The following BMP6 variants were observed in gnomAD, a reference collection of about 807,000 sequenced individuals.
BMP6 encodes VG-1-R.
A neutral mutation model predicts 54.1 loss-of-function variants in BMP6; 17 were observed. The ratio of observed to expected loss-of-function variants is 0.31; its 90% CI spans 0.22 to 0.47. The LOEUF (loss-of-function observed/expected upper bound fraction) is 0.47. BMP6 is among the 20% of genes least tolerant of loss of function. The probability of loss-of-function intolerance (pLI) is 1.00; values close to 1 mark genes in which losing one functional copy is unlikely to be tolerated. For synonymous variants in BMP6, 328 were observed against 291.2 expected (o/e 1.13, Z -1.28); for missense variants, 720 against 690.4 (o/e 1.04, Z -0.48).
chr6:7,797,236 G>A (rs1052374011), intron 1 of BMP6, among the ~76,000 whole-genome samples: 1 of 152,158 alleles, frequency 6.6e-6, no homozygotes, highest in African/African-American at 2.4e-5. Flanking sequence ...TTAAATGTAT[G>A]CTCTATTTAA....
intron 1 of BMP6, among the ~76,000 whole-genome samples, chr6:7,794,266 CT>C (rs1758159308): frequency 1.3e-5 from 2 of 152,102 alleles, no homozygotes; most frequent in African/African-American, 4.8e-5. Context: ...TTCTCTTGTT[CT>C]GCTGTAAGGA....
chr6:7,837,813 C>T (rs1758897667), intron 1 of BMP6, among the ~76,000 whole-genome samples: 1 of 152,024 alleles, frequency 6.6e-6, no homozygotes, highest in South Asian at 2.1e-4. Context: ...AAATTTAAAA[C>T]AAATTATGGC....
At chr6:7,864,389 G>A (rs185608288) in intron 4 of BMP6, among the ~76,000 whole-genome samples, 2 of 152,280 alleles carry the variant, frequency 1.3e-5, no homozygotes, top group East Asian at 3.9e-4. Context: ...TAAATGAAAA[G>A]CATCAAAATC....
intron 1 of BMP6, among the ~76,000 whole-genome samples, chr6:7,748,866 T>C (rs1402682512): frequency 6.6e-6 from 1 of 152,248 alleles, no homozygotes; most frequent in Non-Finnish European, 1.5e-5. Context: ...TCTAGGATTG[T>C]GAATTTCCTG....
At chr6:7,873,263 T>G (rs1462486206) in intron 4 of BMP6, among the ~76,000 whole-genome samples, 2 of 152,190 alleles carry the variant, frequency 1.3e-5, no homozygotes, top group Non-Finnish European at 2.9e-5. Context: ...GAGTTCACAT[T>G]ACCGCCCTTC....
chr6:7,727,673 C>G (rs1451069832), intron 1 of BMP6, 54 bp downstream of exon 1: 1 of 1,450,392 alleles, frequency 6.9e-7, no homozygotes, highest in Admixed American at 2.5e-5. Context: ...TTCAGTGTCC[C>G]GGGCCCAGGG....
rs79626185 is a variant in BMP6 at position 7,731,474 on chromosome 6, T to G, written c.664+3855T>G. ...AGTTTTTCTTTTTTCTTGTTAAATTTGCTTACTCATTTGTTTGTCTCCCCT... is the reference window on the plus strand; with the variant it reads ...AGTTTTTCTTTTTTCTTGTTAAATTGGCTTACTCATTTGTTTGTCTCCCCT... On this transcript the variant is annotated intron_variant, in intron 1 of 6. Transcript: ENST00000283147. Among the ~76,000 whole-genome samples, 1,408 of 152,344 alleles carry G rather than the reference T, an allele frequency of 9.2e-3. 18 individuals carry two copies. Among genetic ancestry groups the G allele is most frequent in the African/African-American group, 0.032 (1,333 of 41,572 alleles).
chr6:7,782,329 G>C (rs1757960597), intron 1 of BMP6, among the ~76,000 whole-genome samples: 1 of 152,172 alleles, frequency 6.6e-6, no homozygotes. Flanking sequence ...ATCAGAGGGG[G>C]ATTGTTGAAT....
At chr6:7,879,007 T>TA (rs1373845112) in intron 4 of BMP6, 67 bp from the exon 5 acceptor site, 5 of 1,493,168 alleles carry the variant, frequency 3.3e-6, no homozygotes, top group Non-Finnish European at 3.7e-6. Context: ...GTAAACTCTC[T>TA]ATGAAGGAAT....
intron 4 of BMP6, among the ~76,000 whole-genome samples, chr6:7,866,340 C>T (rs1424528107): frequency 6.6e-6 from 1 of 152,216 alleles, no homozygotes; most frequent in South Asian, 2.1e-4. Context: ...TTCTTACCAG[C>T]CTGCTGCTCT....
chr6:7,733,805 A>G (rs1238008025), intron 1 of BMP6, among the ~76,000 whole-genome samples: 6 of 152,190 alleles, frequency 3.9e-5, no homozygotes, highest in Non-Finnish European at 8.8e-5. Flanking sequence ...GGAAAACGGC[A>G]CTAGTCTCTC....
intron 1 of BMP6, among the ~76,000 whole-genome samples, chr6:7,821,795 T>C (rs1581262975): frequency 6.6e-6 from 1 of 152,208 alleles, no homozygotes; most frequent in African/African-American, 2.4e-5. Context: ...GGAGTCAATA[T>C]ATTCATTCTT....
chr6:7,854,379 C>CT (rs763299651), intron 2 of BMP6, among the ~76,000 whole-genome samples: 241 of 151,498 alleles, frequency 1.6e-3, no homozygotes, highest in African/African-American at 3.0e-3. Flanking sequence ...TGTAAAACAT[C>CT]TTTTTAAAAA....
Position 7,880,689 on chromosome 6 carries a change from G to C in BMP6, c.*346G>C. ...ATCAAGCTATTTGGGGTGTTTGTTAGTAAATAGGGAAAATAATCTCAAAGG... is the reference window on the plus strand; with the variant it reads ...ATCAAGCTATTTGGGGTGTTTGTTACTAAATAGGGAAAATAATCTCAAAGG... On this transcript the variant is annotated 3_prime_UTR_variant, in exon 7 of 7. Coordinates refer to ENST00000283147, the MANE Select transcript of BMP6 (RefSeq NM_001718.6). The C allele has an allele frequency of 3.1e-6, 1 of 320,016 alleles. No individual in the cohort carries two copies. The highest frequency in any genetic ancestry group is 4.1e-5 in the South Asian group (1 of 24,448). The allele number at this position is 320,016 out of a possible 1,614,324, so 19.8% of individuals were successfully genotyped here.
intron 2 of BMP6, among the ~76,000 whole-genome samples, chr6:7,850,021 G>C (rs955565337): frequency 1.3e-5 from 2 of 152,192 alleles, no homozygotes; most frequent in African/African-American, 4.8e-5. Context: ...TTTGTCATTT[G>C]ATTTTAGAGT....
At chr6:7,753,689 A>G (rs553600317) in intron 1 of BMP6, among the ~76,000 whole-genome samples, 1 of 152,240 alleles carries the variant, frequency 6.6e-6, no homozygotes, top group African/African-American at 2.4e-5. Flanking sequence ...TCTGAGTGCT[A>G]GAACTGTAAG....
intron 1 of BMP6, among the ~76,000 whole-genome samples, chr6:7,732,819 C>T (rs1486119177): frequency 2.6e-5 from 4 of 152,028 alleles, no homozygotes; most frequent in Non-Finnish European, 5.9e-5. Context: ...CATGAAGCAG[C>T]TTTCTGTAAC....
intron 1 of BMP6, among the ~76,000 whole-genome samples, chr6:7,826,526 G>T (rs1378080873): frequency 6.6e-6 from 1 of 152,168 alleles, no homozygotes; most frequent in Non-Finnish European, 1.5e-5. Context: ...GCGTTTGAAG[G>T]TTATAAAAAG....
At chr6:7,863,290 G>T (rs774189857) in intron 4 of BMP6, among the ~76,000 whole-genome samples, 1 of 152,302 alleles carries the variant, frequency 6.6e-6, no homozygotes, top group Non-Finnish European at 1.5e-5. Flanking sequence ...GAGCCACTGC[G>T]CCTGGCCAGG....
Sources: gnomAD v4.1 joint callset for allele counts (sites outside exome capture counted in the v4.1 genomes callset) on GRCh38, gnomAD v4.1.1 for gene constraint, MANE v1.5 for transcripts, NCBI Gene and HGNC (gene_info 2026-07-23, HGNC 2026-07-21) for gene names.